The following CXXC4 variants were observed in gnomAD, a reference collection of about 807,000 sequenced individuals.
The protein encoded by CXXC4 is CXXC finger protein 4, also known as CXXC-type zinc finger protein 4.
A neutral mutation model predicts 20.5 loss-of-function variants in CXXC4; 5 were observed. The observed-to-expected ratio is 0.24, with a 90% confidence interval of 0.13 to 0.51. The LOEUF is 0.51. Among genes scored for constraint, CXXC4 ranks in the 20% least tolerant of loss-of-function variants. The probability of loss-of-function intolerance (pLI) is 0.97; values close to 1 mark genes in which losing one functional copy is unlikely to be tolerated. For missense variants in CXXC4, 419 were observed against 496.4 expected (o/e 0.84, Z 1.48); for synonymous variants, 250 against 216.4 (o/e 1.16, Z -1.36).
At chr4:104,492,242 T>G in intron 1 of CXXC4, among the ~76,000 whole-genome samples, 183 bp from the exon 2 acceptor site, 1 of 17,954 alleles carries the variant, frequency 5.6e-5, no homozygotes, top group South Asian at 2.0e-3. Context: ...CAACCCCCGC[T>G]CCCTCCCTCC....
chr4:104,482,122 G>A lies in CXXC4; in HGVS notation c.1059+8622C>T, dbSNP rs558444716. Among the ~76,000 whole-genome samples the A allele has an allele frequency of 4.1e-3, 621 of 152,244 alleles. 5 individuals carry two copies. The highest frequency in any genetic ancestry group is 0.014 in the African/African-American group (593 of 41,550). Reference sequence around the variant, plus strand: ...AACAATGCTTGCTATTACTACATGTGATAAACTCATATATTTTTCTGCTCC... The same window carrying A: ...AACAATGCTTGCTATTACTACATGTAATAAACTCATATATTTTTCTGCTCC... On this transcript the variant is annotated intron_variant, in intron 2 of 2. Transcript: ENST00000394767.
intron 2 of CXXC4, among the ~76,000 whole-genome samples, chr4:104,490,289 T>A (rs1165905661): frequency 6.6e-6 from 1 of 152,220 alleles, no homozygotes; most frequent in Non-Finnish European, 1.5e-5. Context: ...ACCGGTTTTT[T>A]AATGAGAACA....
intron 1 of CXXC4, among the ~76,000 whole-genome samples, chr4:104,492,896 T>A (rs1736936017): frequency 1.3e-5 from 2 of 152,248 alleles, no homozygotes; most frequent in South Asian, 4.1e-4. Flanking sequence ...ATATCAGCAA[T>A]GTCTCAGGTT....
At position 104,478,179 on chromosome 4, in the gene CXXC4, C is replaced by T. The variant is rs187320486; in HGVS notation, c.1060-5813G>A. Among the ~76,000 whole-genome samples, 33 of 152,268 alleles carry T rather than the reference C, an allele frequency of 2.2e-4. No homozygotes were observed. The East Asian group carries it at 6.4e-3, about 29-fold the overall frequency. The stretch of plus-strand genomic sequence containing the variant: ...ATAATTGATTCTCCCTTGGCTGTTG[C>T]TCCTGTTGCTCTCTTTGCCTTGCAC... On this transcript the variant is annotated intron_variant, in intron 2 of 2. Coordinates refer to ENST00000394767, the MANE Select transcript of CXXC4 (RefSeq NM_025212.4).
At chr4:104,489,174 A>G (rs996354891) in intron 2 of CXXC4, among the ~76,000 whole-genome samples, 22 of 152,312 alleles carry the variant, frequency 1.4e-4, no homozygotes, top group African/African-American at 5.1e-4. Flanking sequence ...AATGTAATAA[A>G]CCATCCAGGA....
At chr4:104,473,657 C>T (rs146321343) in intron 2 of CXXC4, among the ~76,000 whole-genome samples, 5 of 151,962 alleles carry the variant, frequency 3.3e-5, no homozygotes, top group African/African-American at 1.2e-4. Context: ...CTGTATAAAT[C>T]GTAAGATGGC....
At chr4:104,483,964 G>T (rs1185456578) in intron 2 of CXXC4, among the ~76,000 whole-genome samples, 1 of 151,912 alleles carries the variant, frequency 6.6e-6, no homozygotes, top group East Asian at 1.9e-4. Context: ...AAGGAAACAT[G>T]TTTAATTAGA....
At chr4:104,472,392 G>T (rs1673061628) in intron 2 of CXXC4, 26 bp from the exon 3 acceptor site, 1 of 1,563,938 alleles carries the variant, frequency 6.4e-7, no homozygotes, top group African/African-American at 1.4e-5. Flanking sequence ...AAGAAAACAA[G>T]TTAAGCTTTC....
chr4:104,469,505 C>G lies in CXXC4; in HGVS notation c.*2817G>C, dbSNP rs952915861. On this transcript the variant is annotated 3_prime_UTR_variant, in exon 3 of 3. Coordinates refer to ENST00000394767, the MANE Select transcript of CXXC4 (RefSeq NM_025212.4). ...TTCTTGACAGTGAATATAAAACACA[C>G]AGTGAGGAATATTTAAAAGTTACAT... The G allele has an allele frequency of 6.6e-6, 1 of 151,994 alleles. No homozygotes were observed. The highest frequency in any genetic ancestry group is 2.4e-5 in the African/African-American group (1 of 41,398). The allele number at this position is 151,994 out of a possible 1,614,324, so 9.4% of individuals were successfully genotyped here.
chr4:104,490,711 G>T (rs200763798), intron 2 of CXXC4, 33 bp downstream of exon 2: 1 of 1,555,226 alleles, frequency 6.4e-7, no homozygotes, highest in African/African-American at 1.4e-5. Flanking sequence ...GGGAAGGGGG[G>T]AGACTGGGAA....
At position 104,491,511 on chromosome 4, in the gene CXXC4, CGGCGGT is replaced by C. The variant is rs762609353; in HGVS notation, c.286_291del (p.Thr96_Ala97del). On this transcript the variant is annotated inframe_deletion, in exon 2 of 3. Coordinates refer to ENST00000394767, the MANE Select transcript of CXXC4 (RefSeq NM_025212.4). ...CCCCAGAGCATGGCGGTGGCGGCGG[CGGCGGT>C]GGCCGCGTTGTCGCAGTTCCAGGGG... 7.9e-4 allele frequency: 983 copies of C among 1,236,682 alleles called. 12 individuals carry two copies. Among genetic ancestry groups the C allele is most frequent in the South Asian group, 7.5e-3 (401 of 53,554 alleles). 76.6% of individuals were successfully genotyped at this position (1,236,682 alleles called of 1,614,324 possible). A position where few individuals can be genotyped will look rare whatever the true frequency, so the allele number is the denominator to read the frequency against.
At chr4:104,473,969 A>C (rs1261094300) in intron 2 of CXXC4, among the ~76,000 whole-genome samples, 2 of 152,004 alleles carry the variant, frequency 1.3e-5, no homozygotes, top group Non-Finnish European at 2.9e-5. Context: ...TCAACTAGAA[A>C]ACAATAAAAT....
At chr4:104,474,717 T>C (rs1313237055) in intron 2 of CXXC4, among the ~76,000 whole-genome samples, 2 of 152,096 alleles carry the variant, frequency 1.3e-5, no homozygotes, top group Non-Finnish European at 1.5e-5. Flanking sequence ...AGATGCCAAC[T>C]TACTCTCAGA....
intron 2 of CXXC4, 117 bp downstream of exon 2, chr4:104,490,627 G>T: frequency 2.0e-6 from 2 of 975,808 alleles, no homozygotes; most frequent in East Asian, 2.4e-5. Context: ...CTTACCACCT[G>T]AATGAAGCTT....
intron 2 of CXXC4, among the ~76,000 whole-genome samples, chr4:104,482,123 A>G (rs1438785033): frequency 6.6e-6 from 1 of 152,200 alleles, no homozygotes; most frequent in Non-Finnish European, 1.5e-5. Context: ...ACTACATGTG[A>G]TAAACTCATA....
intron 2 of CXXC4, among the ~76,000 whole-genome samples, chr4:104,483,952 A>T (rs1454412782): frequency 6.6e-6 from 1 of 151,998 alleles, no homozygotes; most frequent in Non-Finnish European, 1.5e-5. Flanking sequence ...AAGTATAGGA[A>T]CAAGGAAACA....
At chr4:104,475,486 A>T (rs1278166727) in intron 2 of CXXC4, among the ~76,000 whole-genome samples, 1 of 152,176 alleles carries the variant, frequency 6.6e-6, no homozygotes, top group Non-Finnish European at 1.5e-5. Context: ...GGACTGATTG[A>T]GTTTGTTTCA....
At chr4:104,485,239 T>C (rs1461120807) in intron 2 of CXXC4, among the ~76,000 whole-genome samples, 1 of 152,068 alleles carries the variant, frequency 6.6e-6, no homozygotes, top group Non-Finnish European at 1.5e-5. Flanking sequence ...TTTTTGCTTT[T>C]TTACAAACTA....
At chr4:104,472,859 T>C (rs1225728094) in intron 2 of CXXC4, among the ~76,000 whole-genome samples, 2 of 152,002 alleles carry the variant, frequency 1.3e-5, no homozygotes, top group Non-Finnish European at 2.9e-5. Flanking sequence ...TCATGATAGA[T>C]ATTTATTTTG....
Sources: gnomAD v4.1 joint callset for allele counts (sites outside exome capture counted in the v4.1 genomes callset) on GRCh38, gnomAD v4.1.1 for gene constraint, MANE v1.5 for transcripts, NCBI Gene and HGNC (gene_info 2026-07-23, HGNC 2026-07-21) for gene names.